DUSP9: variants seen among roughly 807,000 people sequenced by gnomAD.
DUSP9 encodes the protein dual specificity protein phosphatase 9.
A neutral mutation model predicts 13.2 loss-of-function variants in DUSP9; 4 were observed. The observed-to-expected ratio is 0.30, with a 90% CI of 0.15 to 0.69. The LOEUF (loss-of-function observed/expected upper bound fraction) is 0.69, where lower values mean the gene tolerates loss of function less well. DUSP9 is among the 30% of genes least tolerant of loss of function. The pLI, the probability that DUSP9 is intolerant of heterozygous loss-of-function variation, is 0.73. For missense variants in DUSP9, 263 were observed against 355.0 expected, an observed-to-expected ratio of 0.74 and a Z score of 2.08; for synonymous variants, 166 against 172.3, an observed-to-expected ratio of 0.96 and a Z score of 0.29.
chrX:153,647,103 G>A (rs1238213698), upstream of DUSP9: 1 of 113,282 alleles, frequency 8.8e-6, no homozygotes, highest in Non-Finnish European at 1.9e-5. Context: ...CGACTGCTTC[G>A]GCTAGCACCC....
rs782158989 is a variant in DUSP9, at chrX:153,650,047, C to T, written c.897C>T (p.Thr299=). The part of the protein sequence containing the change: ...HCLAGVSRSV[T]VTVAYLMQKL... ...TGGCGGGGGTCAGCCGTTCTGTCAC[C>T]GTCACTGTGGCCTACCTCATGCAGA... The change falls in exon 4 of 4, where the codon ACC becomes ACT. Residue 299 remains threonine, a synonymous_variant. Coordinates refer to ENST00000342782, the MANE Select transcript of DUSP9 (RefSeq NM_001318503.2). The T allele has an allele frequency of 2.5e-6, 3 of 1,211,190 alleles. No homozygotes were observed. The highest frequency in any genetic ancestry group is 2.2e-5 in the Admixed American group (1 of 45,992).
upstream of DUSP9, among the ~76,000 whole-genome samples, chrX:153,645,457 C>T (rs1288731827): frequency 8.0e-5 from 9 of 113,038 alleles, no homozygotes; most frequent in African/African-American, 2.9e-4. Flanking sequence ...CTGGGAGTCC[C>T]CGGCTAGCAG....
At chrX:153,647,665 G>C in intron 1 of DUSP9, 1 of 219,332 alleles carries the variant, frequency 4.6e-6, no homozygotes, top group Non-Finnish European at 8.3e-6. Context: ...AGCAGAAAGG[G>C]GGTATGGAGG....
At position 153,648,226 on chromosome X, in the gene DUSP9, GGAGGCCGAGGCC is replaced by G; in HGVS notation, c.284_295del (p.Ala95_Glu98del). The G allele has an allele frequency of 5.4e-6, 6 of 1,101,927 alleles. No individual in the cohort carries two copies. The highest frequency in any genetic ancestry group is 7.1e-6 in the Non-Finnish European group (6 of 850,273). 90.8% of individuals were successfully genotyped at this position (1,101,927 alleles called of 1,213,427 possible). A position where few individuals can be genotyped will look rare whatever the true frequency, so the allele number is the denominator to read the frequency against. On this transcript the variant is annotated inframe_deletion, in exon 2 of 4. Coordinates refer to ENST00000342782, the MANE Select transcript of DUSP9 (RefSeq NM_001318503.2). ...AGGGCGGGGGCCGGCGCCGGCGCGG[GGAGGCCGAGGCC>G]GAGGCCGAGGAGTGGGAGGCCGAGT...
chrX:153,649,915 G>A (rs890242470), intron 3 of DUSP9, 65 bp from the exon 4 acceptor site: 13 of 1,128,274 alleles, frequency 1.2e-5, no homozygotes, highest in Middle Eastern at 5.5e-4. Flanking sequence ...AGGGCCCTTC[G>A]GAAGGCCTCG....
upstream of DUSP9, among the ~76,000 whole-genome samples, chrX:153,645,650 A>T (rs189476926): frequency 1.8e-5 from 2 of 113,137 alleles, no homozygotes; most frequent in Admixed American, 1.9e-4. Context: ...TTGTTAGAAA[A>T]ATGCTTTGTG....
chrX:153,650,778 C>A lies in DUSP9; in HGVS notation c.*473C>A, dbSNP rs1256656127. On this transcript the variant is annotated 3_prime_UTR_variant, in exon 4 of 4. Coordinates refer to ENST00000342782, the MANE Select transcript of DUSP9 (RefSeq NM_001318503.2). ...TGGGGCCTCCCAGGGGATGGGGACC[C>A]AGAGTGCAGTGGCCGCCCACATCCA... 1 of 6,308 alleles carries A rather than the reference C, an allele frequency of 1.6e-4. No homozygotes were observed. Among genetic ancestry groups the A allele is most frequent in the East Asian group, 4.7e-3 (1 of 212 alleles). The allele number at this position is 6,308 out of a possible 1,213,427, so 0.5% of individuals were successfully genotyped here. A position where few individuals can be genotyped will look rare whatever the true frequency, so the allele number is the denominator to read the frequency against.
Position 153,648,224 on chromosome X carries a change from GGGGAGGCCGAGGCCGAGGCCGAGGAGT to G in DUSP9, c.283_309del (p.Ala95_Glu103del). ...CCAGGGCGGGGGCCGGCGCCGGCGC[GGGGAGGCCGAGGCCGAGGCCGAGGAGT>G]GGGAGGCCGAGTCGGTGCTGGGCAC... is the stretch of plus-strand genomic sequence containing the variant. On this transcript the variant is annotated inframe_deletion, in exon 2 of 4. Coordinates refer to ENST00000342782, the MANE Select transcript of DUSP9 (RefSeq NM_001318503.2). The G allele has an allele frequency of 9.1e-7, 1 of 1,100,406 alleles. No individual in the cohort carries two copies. Among genetic ancestry groups the G allele is most frequent in the Non-Finnish European group, 1.2e-6 (1 of 849,614 alleles). The allele number at this position is 1,100,406 out of a possible 1,213,427, so 90.7% of individuals were successfully genotyped here.
At chrX:153,649,096 C>T in intron 2 of DUSP9, 136 bp from the exon 3 acceptor site, 1 of 609,430 alleles carries the variant, frequency 1.6e-6, no homozygotes, top group Non-Finnish European at 2.5e-6. Flanking sequence ...ACACACCAAG[C>T]TGCTGGGTTT....
At chrX:153,643,565 AG>A, upstream of DUSP9, 1 of 324,917 alleles carries the variant, frequency 3.1e-6, no homozygotes, top group Non-Finnish European at 6.1e-6. Flanking sequence ...GGCCCCGGGG[AG>A]GGGCGGGGAG....
upstream of DUSP9, chrX:153,643,472 C>T (rs2091176233): frequency 2.9e-6 from 1 of 340,904 alleles, no homozygotes; most frequent in Non-Finnish European, 5.9e-6. Context: ...TGAGACTCCC[C>T]AGCGACTAGC....
Position 153,649,266 on chromosome X carries a change from C to G in DUSP9, c.408C>G (p.His136Gln), listed in dbSNP as rs139841459. ...GFSRFQAECP[H>Q]LCETSLAGRA... ...GCAGATTCCAGGCCGAGTGCCCTCA[C>G]CTGTGTGAGACCAGCCTTGCTGGCC... Residue 136 changes from histidine (H) to glutamine (Q), a missense_variant, in exon 3 of 4, where the codon CAC (histidine) becomes CAG (glutamine). By Grantham distance (24) the His-to-Gln change is conservative (BLOSUM62 0). Coordinates refer to ENST00000342782, the MANE Select transcript of DUSP9 (RefSeq NM_001318503.2). 124 of 1,209,719 alleles carry G rather than the reference C, an allele frequency of 1.0e-4. No individual in the cohort carries two copies. Among genetic ancestry groups the G allele is most frequent in the Non-Finnish European group, 1.3e-4 (116 of 895,317 alleles).
chrX:153,649,081 C>T (rs1443939575), intron 2 of DUSP9, 151 bp from the exon 3 acceptor site: 8 of 546,132 alleles, frequency 1.5e-5, no homozygotes, highest in African/African-American at 2.3e-5. Context: ...CACGTGGGTA[C>T]CAGGACACAC....
In DUSP9 at chrX:153,648,009, G is replaced by A. The variant is rs1557035735; in HGVS notation, c.56G>A (p.Arg19Gln). The change falls in exon 2 of 4, where the codon CGG becomes CAG. Residue 19 changes from arginine (R) to glutamine (Q), a missense_variant. Arg to Gln is a conservative substitution (Grantham distance 43). Transcript: ENST00000342782. ...LWLRRELSPPRPRLLLLDCRS... is the reference protein window; with the variant it reads ...LWLRRELSPPQPRLLLLDCRS... ...CTGCGTCGGGAGCTGTCGCCCCCGC[G>A]GCCGCGGCTCCTGCTCCTGGACTGC... is the stretch of plus-strand genomic sequence containing the variant. The A allele has an allele frequency of 2.7e-6, 3 of 1,102,863 alleles. No individual in the cohort carries two copies. The African/African-American group carries it at 5.7e-5, about 21-fold the overall frequency. 90.9% of individuals were successfully genotyped at this position (1,102,863 alleles called of 1,213,427 possible).
In DUSP9 at chrX:153,650,481, G is replaced by A. The variant is rs1297890452; in HGVS notation, c.*176G>A. 4 of 426,565 alleles carry A rather than the reference G, an allele frequency of 9.4e-6. No homozygotes were observed. Among genetic ancestry groups the A allele is most frequent in the Admixed American group, 4.2e-5 (1 of 23,684 alleles). The allele number at this position is 426,565 out of a possible 1,213,427, so 35.2% of individuals were successfully genotyped here. On this transcript the variant is annotated 3_prime_UTR_variant, in exon 4 of 4. Transcript: ENST00000342782. Reference sequence around the variant, plus strand: ...ATCAACGTGCCTATGGCGGGACCACGCTCGGAGCCTGCCTCTTCTGCGACT... The same window carrying A: ...ATCAACGTGCCTATGGCGGGACCACACTCGGAGCCTGCCTCTTCTGCGACT...
chrX:153,647,949 C>T lies in DUSP9; in HGVS notation c.-5C>T. The stretch of plus-strand genomic sequence containing the variant: ...GTGGTCCAGCGTGTAGGGAGCCGAT[C>T]GCCCATGGAGGGTCTGGGCCGCTCG... On this transcript the variant is annotated 5_prime_UTR_variant, in exon 2 of 4. Coordinates refer to ENST00000342782, the MANE Select transcript of DUSP9 (RefSeq NM_001318503.2). 1.9e-6 allele frequency: 2 copies of T among 1,046,630 alleles called. No individual in the cohort carries two copies. Among genetic ancestry groups the T allele is most frequent in the Non-Finnish European group, 2.4e-6 (2 of 819,129 alleles). The allele number at this position is 1,046,630 out of a possible 1,213,427, so 86.3% of individuals were successfully genotyped here. A position where few individuals can be genotyped will look rare whatever the true frequency, so the allele number is the denominator to read the frequency against.
chrX:153,650,484 C>G lies in DUSP9; in HGVS notation c.*179C>G, dbSNP rs2091211340. On this transcript the variant is annotated 3_prime_UTR_variant, in exon 4 of 4. Transcript: ENST00000342782. Reference sequence around the variant, plus strand: ...AACGTGCCTATGGCGGGACCACGCTCGGAGCCTGCCTCTTCTGCGACTGTT... The same window carrying G: ...AACGTGCCTATGGCGGGACCACGCTGGGAGCCTGCCTCTTCTGCGACTGTT... The G allele has an allele frequency of 1.4e-5, 6 of 420,325 alleles. No individual in the cohort carries two copies. In the South Asian group the frequency reaches 2.5e-4, roughly 18 times the overall value. 34.6% of individuals were successfully genotyped at this position (420,325 alleles called of 1,213,427 possible). A position where few individuals can be genotyped will look rare whatever the true frequency, so the allele number is the denominator to read the frequency against.
chrX:153,644,370 G>C (rs2091180771), upstream of DUSP9, among the ~76,000 whole-genome samples: 1 of 105,189 alleles, frequency 9.5e-6, no homozygotes, highest in African/African-American at 3.4e-5. Context: ...GGCTCAGCCC[G>C]CCGGAGGGGG....
At position 153,648,076 on chromosome X, in the gene DUSP9, G is replaced by T; in HGVS notation, c.123G>T (p.Ala41=). ...ACGAGTCGGCGCGCATCGGTGGGGC[G>T]CTGAGCGTGGCCCTGCCGGCGCTCC... ...ELYESARIGG[A]LSVALPALLL... The change falls in exon 2 of 4, where the codon GCG becomes GCT. Residue 41 remains alanine (A), a synonymous_variant. Transcript: ENST00000342782. 1 of 1,045,732 alleles carries T rather than the reference G, an allele frequency of 9.6e-7. No individual in the cohort carries two copies. The highest frequency in any genetic ancestry group is 1.2e-6 in the Non-Finnish European group (1 of 819,954). 86.2% of individuals were successfully genotyped at this position (1,045,732 alleles called of 1,213,427 possible).
Sources: allele counts gnomAD v4.1 joint callset (sites outside exome capture counted in the v4.1 genomes callset), GRCh38; gene constraint gnomAD v4.1.1; transcripts MANE v1.5; gene names NCBI Gene and HGNC (gene_info 2026-07-23, HGNC 2026-07-21).